TUBGCP3: variants seen among roughly 807,000 people sequenced by gnomAD.
TUBGCP3 encodes tubulin gamma complex component 3.
TUBGCP3 carries 50 observed loss-of-function variants against 123.1 expected under a neutral mutation model. The ratio of observed to expected loss-of-function variants is 0.41; its 90% confidence interval spans 0.32 to 0.51. TUBGCP3 has a LOEUF of 0.51. TUBGCP3 is among the 20% of genes least tolerant of loss of function. The pLI is 0.36. For synonymous variants in TUBGCP3, 405 were observed against 413.9 expected (o/e 0.98, Z 0.26); for missense variants, 882 against 1,127.0 (o/e 0.78, Z 3.11).
intron 1 of TUBGCP3, among the ~76,000 whole-genome samples, chr13:112,586,218 C>T (rs1594241091): frequency 6.7e-6 from 1 of 150,114 alleles, no homozygotes; most frequent in Non-Finnish European, 1.5e-5. Flanking sequence ...CCAGCCTGGG[C>T]GACCAGAGTG....
intron 2 of TUBGCP3, 111 bp downstream of exon 2, chr13:112,569,041 T>G (rs1881199564): frequency 2.2e-6 from 2 of 921,880 alleles, no homozygotes; most frequent in East Asian, 2.6e-5. Context: ...TGTACCAATA[T>G]TAAAATGCGC....
chr13:112,598,256 A>G, the TUBGCP3 span, among the ~76,000 whole-genome samples: 3 of 152,034 alleles, frequency 2.0e-5, no homozygotes, highest in Middle Eastern at 3.4e-3. Flanking sequence ...AAGAACGGAA[A>G]TGAAAAAGAT....
intron 20 of TUBGCP3, among the ~76,000 whole-genome samples, chr13:112,491,714 G>C (rs546697202): frequency 1.3e-5 from 2 of 152,236 alleles, no homozygotes; most frequent in South Asian, 4.2e-4. Flanking sequence ...TCCAACTCCT[G>C]GGCTCAAGCT....
chr13:112,553,969 A>T, intron 8 of TUBGCP3, 88 bp downstream of exon 8: 1 of 1,538,960 alleles, frequency 6.5e-7, no homozygotes. Context: ...AGAGCCTTAG[A>T]AGGAGCTATT....
chr13:112,528,495 T>C (rs1418905646), intron 11 of TUBGCP3, among the ~76,000 whole-genome samples: 1 of 152,338 alleles, frequency 6.6e-6, no homozygotes, highest in East Asian at 1.9e-4. Context: ...ATAGTTCTAA[T>C]TGCCATTTGC....
At chr13:112,494,211 C>T (rs1880369092) in intron 20 of TUBGCP3, among the ~76,000 whole-genome samples, 1 of 152,140 alleles carries the variant, frequency 6.6e-6, no homozygotes, top group South Asian at 2.1e-4. Context: ...CCTGGTGTGC[C>T]TGAGACACAC....
chr13:112,535,539 T>TATA (rs991766282), intron 11 of TUBGCP3, among the ~76,000 whole-genome samples: 1 of 152,374 alleles, frequency 6.6e-6, no homozygotes, highest in Middle Eastern at 3.4e-3. Context: ...TGCATTTCGC[T>TATA]ATAATAATAA....
At chr13:112,598,260 A>G in the TUBGCP3 span, among the ~76,000 whole-genome samples, 1 of 152,036 alleles carries the variant, frequency 6.6e-6, no homozygotes, top group African/African-American at 2.4e-5. Flanking sequence ...ACGGAAATGA[A>G]AAAGATTTAC....
At chr13:112,504,784 A>C (rs1881178588) in intron 17 of TUBGCP3, 70 bp from the exon 18 acceptor site, 1 of 1,241,882 alleles carries the variant, frequency 8.1e-7, no homozygotes, top group African/African-American at 1.5e-5. Context: ...GTTCTCCCTT[A>C]CCCACCTGCA....
intron 1 of TUBGCP3, among the ~76,000 whole-genome samples, chr13:112,582,918 G>C (rs1292577394): frequency 2.6e-5 from 4 of 152,216 alleles, no homozygotes; most frequent in Non-Finnish European, 4.4e-5. Flanking sequence ...AGAGCGGATA[G>C]AGGTGAGAAG....
At chr13:112,604,905 T>A in the TUBGCP3 span, 1 of 152,384 alleles carries the variant, frequency 6.6e-6, no homozygotes, top group East Asian at 1.9e-4. Context: ...ATCACATGGA[T>A]GTGCTGCTCT....
intron 8 of TUBGCP3, among the ~76,000 whole-genome samples, chr13:112,549,376 C>G (rs1271091624): frequency 6.6e-6 from 1 of 151,894 alleles, no homozygotes; most frequent in Non-Finnish European, 1.5e-5. Flanking sequence ...GGAGATTTAC[C>G]TAATGTAAAT....
At chr13:112,536,724 T>C (rs1300974049) in intron 11 of TUBGCP3, among the ~76,000 whole-genome samples, 1 of 152,166 alleles carries the variant, frequency 6.6e-6, no homozygotes, top group Non-Finnish European at 1.5e-5. Flanking sequence ...TTATAAAGTA[T>C]GTGTGGATTC....
At chr13:112,553,430 G>C (rs1879760244) in intron 8 of TUBGCP3, among the ~76,000 whole-genome samples, 1 of 152,248 alleles carries the variant, frequency 6.6e-6, no homozygotes, top group African/African-American at 2.4e-5. Context: ...ATCAACCTAT[G>C]GACAAGACCA....
At chr13:112,573,966 C>G (rs1390087965) in intron 1 of TUBGCP3, among the ~76,000 whole-genome samples, 3 of 152,240 alleles carry the variant, frequency 2.0e-5, no homozygotes, top group South Asian at 4.1e-4. Flanking sequence ...AGTGGGCACT[C>G]TGAGCTCAGT....
At chr13:112,496,881 G>T (rs540846364) in intron 20 of TUBGCP3, among the ~76,000 whole-genome samples, 2 of 152,114 alleles carry the variant, frequency 1.3e-5, no homozygotes, top group Admixed American at 1.3e-4. Context: ...AGCTACTTGG[G>T]AGGCTGAGGC....
intron 11 of TUBGCP3, among the ~76,000 whole-genome samples, chr13:112,531,701 CATCT>C (rs1378722541): frequency 3.9e-5 from 6 of 152,128 alleles, no homozygotes; most frequent in Non-Finnish European, 5.9e-5. Context: ...AGCACTGCTT[CATCT>C]AAGGGCAAAG....
intron 17 of TUBGCP3, among the ~76,000 whole-genome samples, chr13:112,509,639 CTTCTT>C (rs1393638102): frequency 6.6e-6 from 1 of 152,220 alleles, no homozygotes; most frequent in African/African-American, 2.4e-5. Context: ...CTTCAATGGT[CTTCTT>C]TTGAGACAAA....
At position 112,545,923 on chromosome 13, in the gene TUBGCP3, C is replaced by G. The variant is rs1283716729; in HGVS notation, c.1169-58G>C. The G allele has an allele frequency of 2.6e-6, 4 of 1,564,108 alleles. No individual in the cohort carries two copies. Among genetic ancestry groups the G allele is most frequent in the East Asian group, 4.6e-5 (2 of 43,942 alleles). On this transcript the variant is annotated intron_variant, in intron 10 of 21. Transcript: ENST00000261965. The surrounding 1 kb of genome is among the most constrained non-coding windows in gnomAD (Gnocchi z 4.1). The stretch of plus-strand genomic sequence containing the variant: ...TCCACATTTACACTCATAGTACACA[C>G]CAGTCACTTCTCACCAACCAAAGAC...
Sources: allele counts gnomAD v4.1 joint callset (sites outside exome capture counted in the v4.1 genomes callset), GRCh38; gene constraint gnomAD v4.1.1; non-coding constraint Gnocchi (gnomAD v3.1); transcripts MANE v1.5; gene names NCBI Gene and HGNC (gene_info 2026-07-23, HGNC 2026-07-21).